SPAG16: variants seen among roughly 807,000 people sequenced by gnomAD.
The protein encoded by SPAG16 is sperm-associated antigen 16 protein.
SPAG16 carries 86 observed loss-of-function variants against 80.4 expected under a neutral mutation model. The ratio of observed to expected loss-of-function variants is 1.07; its 90% CI spans 0.90 to 1.28. SPAG16 has a LOEUF of 1.28. Among genes scored for constraint, SPAG16 ranks in the 50% most tolerant of loss-of-function variants. The pLI is 0.00. For synonymous variants in SPAG16, 294 were observed against 265.9 expected, an observed-to-expected ratio of 1.11 and a Z score of -1.03; for missense variants, 870 against 765.3, an observed-to-expected ratio of 1.14 and a Z score of -1.61.
At chr2:213,810,683 AG>A (rs1259033066) in intron 10 of SPAG16, among the ~76,000 whole-genome samples, 1 of 152,212 alleles carries the variant, frequency 6.6e-6, no homozygotes, top group Non-Finnish European at 1.5e-5. Flanking sequence ...GTGTATCAAA[AG>A]AATGAGAGCT....
chr2:214,050,924 T>A (rs2049608974), intron 13 of SPAG16, among the ~76,000 whole-genome samples: 1 of 152,206 alleles, frequency 6.6e-6, no homozygotes, highest in African/African-American at 2.4e-5. Flanking sequence ...CTCTTGCACA[T>A]GTTTTACTCT....
intron 12 of SPAG16, among the ~76,000 whole-genome samples, chr2:214,005,664 A>G (rs2046996401): frequency 6.6e-6 from 1 of 152,214 alleles, no homozygotes; most frequent in Non-Finnish European, 1.5e-5. Context: ...CATGGCTACA[A>G]AGAAAGGAAC....
intron 15 of SPAG16, among the ~76,000 whole-genome samples, chr2:214,399,501 A>G (rs542484839): frequency 1.0e-3 from 152 of 152,148 alleles, no homozygotes; most frequent in Non-Finnish European, 1.9e-3. Flanking sequence ...CCCACAGACA[A>G]ACCTCCACAT....
intron 10 of SPAG16, among the ~76,000 whole-genome samples, chr2:213,720,350 A>G (rs2125391802): frequency 6.6e-6 from 1 of 151,990 alleles, no homozygotes; most frequent in South Asian, 2.1e-4. Context: ...AAAATAGGCC[A>G]GGCGCAGTGG....
chr2:214,037,791 T>G (rs2048779046), intron 13 of SPAG16, among the ~76,000 whole-genome samples: 1 of 152,022 alleles, frequency 6.6e-6, no homozygotes, highest in Non-Finnish European at 1.5e-5. Context: ...ATTTAATGCT[T>G]CTTAGCAAAG....
chr2:213,667,818 T>C lies in SPAG16; in HGVS notation c.1070+177728T>C, dbSNP rs539799543. On this transcript the variant is annotated intron_variant, in intron 10 of 15. Transcript: ENST00000331683. ...TGTGGTCACTGGACATTGCCCTTTTTCTATTTTTACAAATGCTTTCTTTAG... is the reference window on the plus strand; with the variant it reads ...TGTGGTCACTGGACATTGCCCTTTTCCTATTTTTACAAATGCTTTCTTTAG... Among the ~76,000 whole-genome samples the C allele has an allele frequency of 3.9e-5, 6 of 152,344 alleles. No homozygotes were observed. The East Asian group carries it at 1.2e-3, about 29-fold the overall frequency.
At chr2:213,299,330 T>G in intron 3 of SPAG16, among the ~76,000 whole-genome samples, 1 of 150,286 alleles carries the variant, frequency 6.7e-6, no homozygotes, top group Non-Finnish European at 1.5e-5. Context: ...TGAGACGGAG[T>G]CTCACTCTGT....
chr2:214,302,532 G>A (rs1236436127), intron 15 of SPAG16, among the ~76,000 whole-genome samples: 2 of 152,306 alleles, frequency 1.3e-5, no homozygotes, highest in East Asian at 1.9e-4. Context: ...CCAGGCTGGA[G>A]TGCAGTGGCA....
chr2:213,561,496 TC>T (rs765632795), intron 10 of SPAG16, among the ~76,000 whole-genome samples: 2 of 152,180 alleles, frequency 1.3e-5, no homozygotes, highest in Non-Finnish European at 2.9e-5. Flanking sequence ...ATATAATCAC[TC>T]ATTGTATGCC....
intron 13 of SPAG16, among the ~76,000 whole-genome samples, chr2:214,019,656 C>T (rs1188673836): frequency 1.3e-5 from 2 of 152,136 alleles, no homozygotes; most frequent in African/African-American, 4.8e-5. Flanking sequence ...CATCCTGCAC[C>T]CTGCATAGGC....
chr2:213,947,835 T>A (rs975980153), intron 12 of SPAG16, among the ~76,000 whole-genome samples: 4 of 152,138 alleles, frequency 2.6e-5, no homozygotes, highest in Admixed American at 6.5e-5. Flanking sequence ...ATAGTTTTGA[T>A]TATTATAACC....
intron 15 of SPAG16, among the ~76,000 whole-genome samples, chr2:214,194,821 A>G (rs1216553786): frequency 1.3e-5 from 2 of 152,080 alleles, no homozygotes; most frequent in Admixed American, 6.6e-5. Context: ...ACCATTTGGT[A>G]AAGGGAAAAA....
chr2:214,146,532 T>A (rs947567546), intron 14 of SPAG16, among the ~76,000 whole-genome samples: 1 of 152,174 alleles, frequency 6.6e-6, no homozygotes, highest in Non-Finnish European at 1.5e-5. Context: ...GTGGAAGCAT[T>A]ACTCATCTAT....
At chr2:214,171,745 G>A (rs1301186694) in intron 15 of SPAG16, among the ~76,000 whole-genome samples, 1 of 151,902 alleles carries the variant, frequency 6.6e-6, no homozygotes, top group East Asian at 1.9e-4. Flanking sequence ...TAAGAATAAG[G>A]CTTGAAGATG....
chr2:213,879,332 T>A (rs1468024527), intron 11 of SPAG16, among the ~76,000 whole-genome samples: 1 of 151,814 alleles, frequency 6.6e-6, no homozygotes, highest in Non-Finnish European at 1.5e-5. Context: ...CATCGGTGTT[T>A]TGTAGTTTTC....
intron 15 of SPAG16, among the ~76,000 whole-genome samples, chr2:214,264,086 G>C (rs1033928821): frequency 6.6e-6 from 1 of 152,130 alleles, no homozygotes; most frequent in Admixed American, 6.6e-5. Flanking sequence ...CTGTGTGGCT[G>C]TCTGGACTGT....
intron 10 of SPAG16, among the ~76,000 whole-genome samples, chr2:213,534,096 GT>G (rs2076162023): frequency 6.6e-6 from 1 of 151,898 alleles, no homozygotes; most frequent in Admixed American, 6.6e-5. Context: ...ATTTTTTAAG[GT>G]TTTGTATGTA....
intron 6 of SPAG16, among the ~76,000 whole-genome samples, chr2:213,349,771 A>G (rs1254431249): frequency 6.6e-6 from 1 of 152,154 alleles, no homozygotes; most frequent in African/African-American, 2.4e-5. Flanking sequence ...CTAAAGAAAC[A>G]TTACACTGAG....
At chr2:213,657,331 G>C (rs1002281295) in intron 10 of SPAG16, among the ~76,000 whole-genome samples, 2 of 152,032 alleles carry the variant, frequency 1.3e-5, no homozygotes, top group Non-Finnish European at 2.9e-5. Context: ...CTGTAAAATG[G>C]GGATATAATA....
Sources: allele counts gnomAD v4.1 joint callset (sites outside exome capture counted in the v4.1 genomes callset), GRCh38; gene constraint gnomAD v4.1.1; transcripts MANE v1.5; gene names NCBI Gene and HGNC (gene_info 2026-07-23, HGNC 2026-07-21).